TMEM117: variants seen among roughly 807,000 people sequenced by gnomAD.
TMEM117 encodes transmembrane protein 117.
TMEM117 carries 27 observed loss-of-function variants against 52.4 expected under a neutral mutation model. The observed-to-expected ratio is 0.51, with a 90% CI of 0.38 to 0.71. The LOEUF (loss-of-function observed/expected upper bound fraction) is 0.71. TMEM117 is among the 30% of genes least tolerant of loss of function. The probability of loss-of-function intolerance (pLI) is 0.00; values close to 1 mark genes in which losing one functional copy is unlikely to be tolerated. For synonymous variants in TMEM117, 215 were observed against 206.3 expected, an observed-to-expected ratio of 1.04 and a Z score of -0.36; for missense variants, 556 against 630.5, an observed-to-expected ratio of 0.88 and a Z score of 1.26.
chr12:44,256,284 T>G (rs1950259819), intron 5 of TMEM117, among the ~76,000 whole-genome samples: 1 of 151,946 alleles, frequency 6.6e-6, no homozygotes, highest in African/African-American at 2.4e-5. Context: ...AACAAGACTT[T>G]TGCCTGCTTT....
intron 3 of TMEM117, among the ~76,000 whole-genome samples, chr12:44,060,673 A>G (rs1211059628): frequency 6.6e-6 from 1 of 152,210 alleles, no homozygotes; most frequent in African/African-American, 2.4e-5. Flanking sequence ...ATTTATTTTT[A>G]GACATATAGA....
rs141407383 is a variant in TMEM117 at position 44,177,379 on chromosome 12, T to G, written c.510+33755T>G. 4.7e-4 allele frequency among the ~76,000 whole-genome samples: 72 copies of G among 152,312 alleles called. 1 individual carries two copies. In the East Asian group the frequency reaches 0.013, roughly 29 times the overall value. On this transcript the variant is annotated intron_variant, in intron 4 of 7. Coordinates refer to ENST00000266534, the MANE Select transcript of TMEM117 (RefSeq NM_032256.3). The stretch of plus-strand genomic sequence containing the variant: ...GAAATGAACAACCTCTTTGCAATCC[T>G]GTCACCCAAGTCTTGTAAACAATCA...
intron 6 of TMEM117, among the ~76,000 whole-genome samples, chr12:44,329,519 A>G (rs1489386299): frequency 6.6e-6 from 1 of 152,122 alleles, no homozygotes; most frequent in Non-Finnish European, 1.5e-5. Context: ...CATCTATCAC[A>G]ATGGTCTGAA....
chr12:43,866,481 A>G (rs760785784), intron 2 of TMEM117, among the ~76,000 whole-genome samples: 8 of 151,790 alleles, frequency 5.3e-5, no homozygotes, highest in South Asian at 2.1e-4. Context: ...AGACTGAGGC[A>G]GGAAGATTAC....
At chr12:44,242,507 A>T (rs981255899) in intron 5 of TMEM117, among the ~76,000 whole-genome samples, 1 of 151,738 alleles carries the variant, frequency 6.6e-6, no homozygotes, top group Non-Finnish European at 1.5e-5. Flanking sequence ...TCCATGGCGT[A>T]TATGTGCCAC....
rs556119500 is a variant in TMEM117, at chr12:44,188,839, C to T, written c.511-22451C>T. On this transcript the variant is annotated intron_variant, in intron 4 of 7. Coordinates refer to ENST00000266534, the MANE Select transcript of TMEM117 (RefSeq NM_032256.3). ...GTGTTTACTGTTTAAGTATTTTCTTCCCACTAGAATGTAAACTCTGTAATT... is the reference window on the plus strand; with the variant it reads ...GTGTTTACTGTTTAAGTATTTTCTTTCCACTAGAATGTAAACTCTGTAATT... 3.3e-5 allele frequency among the ~76,000 whole-genome samples: 5 copies of T among 152,090 alleles called. No homozygotes were observed. In the East Asian group the frequency reaches 9.7e-4, roughly 29 times the overall value.
At chr12:44,364,503 T>A (rs2138817728) in intron 6 of TMEM117, among the ~76,000 whole-genome samples, 1 of 152,226 alleles carries the variant, frequency 6.6e-6, no homozygotes, top group African/African-American at 2.4e-5. Flanking sequence ...TAGTTTTTAA[T>A]GTAGGTTACA....
intron 3 of TMEM117, among the ~76,000 whole-genome samples, chr12:44,131,643 T>C (rs1050764947): frequency 6.6e-6 from 1 of 152,142 alleles, no homozygotes; most frequent in Non-Finnish European, 1.5e-5. Context: ...TTATTTTAAT[T>C]TATATATTTT....
At chr12:43,983,093 T>C (rs946764085) in intron 3 of TMEM117, among the ~76,000 whole-genome samples, 1 of 152,202 alleles carries the variant, frequency 6.6e-6, no homozygotes, top group African/African-American at 2.4e-5. Context: ...AGGCTGGGCT[T>C]AGCTGGATAT....
At chr12:44,145,520 G>A (rs935995557) in intron 4 of TMEM117, among the ~76,000 whole-genome samples, 7 of 152,182 alleles carry the variant, frequency 4.6e-5, no homozygotes, top group African/African-American at 1.7e-4. Flanking sequence ...GTGGCCCTGT[G>A]ATGTGACTTA....
intron 5 of TMEM117, among the ~76,000 whole-genome samples, chr12:44,292,983 T>C (rs1453425465): frequency 6.6e-6 from 1 of 152,046 alleles, no homozygotes; most frequent in African/African-American, 2.4e-5. Context: ...TCGTTGTTGA[T>C]TTTGATCTGT....
intron 2 of TMEM117, among the ~76,000 whole-genome samples, chr12:43,849,959 C>T (rs1943277914): frequency 6.6e-6 from 1 of 152,134 alleles, no homozygotes; most frequent in African/African-American, 2.4e-5. Flanking sequence ...TCCTCTTGTT[C>T]ATTATGGATT....
chr12:43,818,011 T>C, the TMEM117 span, among the ~76,000 whole-genome samples: 1 of 152,208 alleles, frequency 6.6e-6, no homozygotes, highest in African/African-American at 2.4e-5. Flanking sequence ...AGGTATATAC[T>C]TGCACTTATT....
intron 3 of TMEM117, among the ~76,000 whole-genome samples, chr12:44,127,419 G>C (rs1019308338): frequency 6.6e-6 from 1 of 152,026 alleles, no homozygotes; most frequent in Non-Finnish European, 1.5e-5. Flanking sequence ...GCGCGTGCCT[G>C]TTACACCAGA....
At chr12:44,095,544 T>C (rs1947743662) in intron 3 of TMEM117, among the ~76,000 whole-genome samples, 1 of 151,936 alleles carries the variant, frequency 6.6e-6, no homozygotes, top group Non-Finnish European at 1.5e-5. Context: ...TGAGTGTGTA[T>C]TAGTACAGAA....
chr12:43,881,941 A>G (rs866754498), intron 2 of TMEM117, among the ~76,000 whole-genome samples: 58 of 143,988 alleles, frequency 4.0e-4, no homozygotes, highest in Middle Eastern at 4.0e-3. Context: ...GCGTGGTGGC[A>G]AGCGCCTGTA....
At chr12:44,348,971 T>A (rs17094505) in intron 6 of TMEM117, among the ~76,000 whole-genome samples, 4,233 of 151,938 alleles carry the variant, frequency 0.028, 97 homozygotes, top group African/African-American at 0.055. Flanking sequence ...TCTCCAGGCT[T>A]GAAGTTCTAC....
chr12:44,165,325 C>A (rs1282265638), intron 4 of TMEM117, among the ~76,000 whole-genome samples: 1 of 152,080 alleles, frequency 6.6e-6, no homozygotes, highest in African/African-American at 2.4e-5. Context: ...CATAAAACAA[C>A]CAGAAAACAA....
chr12:44,299,511 A>G, intron 5 of TMEM117, 69 bp from the exon 6 acceptor site: 1 of 1,556,604 alleles, frequency 6.4e-7, no homozygotes, highest in Middle Eastern at 1.9e-4. Context: ...TACAACACAG[A>G]TAACATGCAC....
Sources: allele counts gnomAD v4.1 joint callset (sites outside exome capture counted in the v4.1 genomes callset), GRCh38; gene constraint gnomAD v4.1.1; transcripts MANE v1.5; gene names NCBI Gene and HGNC (gene_info 2026-07-23, HGNC 2026-07-21).